Variants in LARP4 observed in about 807,000 individuals in gnomAD.
LARP4 encodes La ribonucleoprotein 4.
LARP4 carries 29 observed loss-of-function variants against 92.9 expected under a neutral mutation model. That is an observed-to-expected ratio of 0.31 (90% CI 0.23 to 0.43). LARP4 has a LOEUF of 0.43. Ranked by LOEUF, LARP4 falls within the 20% of genes least tolerant of loss-of-function variation. LARP4 has a pLI of 1.00. For synonymous variants in LARP4, 279 were observed against 284.1 expected (o/e 0.98, Z 0.18); for missense variants, 732 against 860.0 (o/e 0.85, Z 1.86).
chr12:50,431,661 A>C (rs969793547), intron 4 of LARP4, among the ~76,000 whole-genome samples: 2 of 152,080 alleles, frequency 1.3e-5, no homozygotes, highest in African/African-American at 4.8e-5. Context: ...GCTTGCCAAC[A>C]TGGTGAAACC....
rs1955586535 is a variant in LARP4, at chr12:50,462,628, T to C, written c.1381T>C (p.Ser461Pro). 2 of 1,443,238 alleles carry C rather than the reference T, an allele frequency of 1.4e-6. No individual in the cohort carries two copies. The highest frequency in any genetic ancestry group is 1.9e-6 in the Non-Finnish European group (2 of 1,073,728). The allele number at this position is 1,443,238 out of a possible 1,614,324, so 89.4% of individuals were successfully genotyped here. Residue 461 changes from serine to proline, a missense_variant and splice_region_variant, in exon 12 of 16, where the codon TCA becomes CCA. Ser to Pro is a moderately conservative substitution (Grantham distance 74). Transcript: ENST00000398473. ...AAGACGACGAGAAGATGACAGGATC[T>C]CAGTAAGTTTTTTAAAACTTTTATT... ...GRRRREDDRISRPHPSTAESK... is the reference protein window; with the variant it reads ...GRRRREDDRIPRPHPSTAESK...
At chr12:50,441,555 T>C (rs1055056262) in intron 7 of LARP4, 35 bp from the exon 8 acceptor site, 2 of 1,438,510 alleles carry the variant, frequency 1.4e-6, no homozygotes, top group African/African-American at 2.9e-5. Context: ...AATGTTTGAA[T>C]GCTAATGAAA....
chr12:50,439,686 T>G (rs1228406451), intron 6 of LARP4, among the ~76,000 whole-genome samples: 3 of 152,218 alleles, frequency 2.0e-5, no homozygotes, highest in Non-Finnish European at 4.4e-5. Context: ...AGTGAGCCAC[T>G]GAGCTCTCAG....
intron 8 of LARP4, among the ~76,000 whole-genome samples, chr12:50,441,975 G>T (rs74593630): frequency 6.6e-6 from 1 of 152,174 alleles, no homozygotes; most frequent in African/African-American, 2.4e-5. Flanking sequence ...GCTTTAACCC[G>T]GGAGGCGTAG....
chr12:50,444,546 C>T (rs955132197), intron 8 of LARP4, among the ~76,000 whole-genome samples: 1 of 152,154 alleles, frequency 6.6e-6, no homozygotes, highest in Admixed American at 6.5e-5. Flanking sequence ...GCAAGGAATG[C>T]TATACTCCAA....
intron 8 of LARP4, among the ~76,000 whole-genome samples, chr12:50,452,865 T>A (rs1953485866): frequency 6.6e-6 from 1 of 152,148 alleles, no homozygotes; most frequent in Non-Finnish European, 1.5e-5. Context: ...TGTGATGAGC[T>A]ACAATTTACT....
At chr12:50,404,112 A>G (rs1237047017) in intron 1 of LARP4, among the ~76,000 whole-genome samples, 1 of 152,272 alleles carries the variant, frequency 6.6e-6, no homozygotes, top group East Asian at 1.9e-4. Flanking sequence ...CTGTAATCCT[A>G]GCTACTCGGG....
intron 10 of LARP4, among the ~76,000 whole-genome samples, chr12:50,458,546 T>TA (rs1954764761): frequency 6.6e-6 from 1 of 152,232 alleles, no homozygotes; most frequent in African/African-American, 2.4e-5. Flanking sequence ...CAAGAGGTTT[T>TA]AAATCCTTAT....
intron 8 of LARP4, among the ~76,000 whole-genome samples, chr12:50,447,858 TC>T (rs146185573): frequency 4.6e-5 from 7 of 150,936 alleles, no homozygotes; most frequent in South Asian, 2.1e-4. Context: ...TCCGCACCAC[TC>T]CCCCCCCATT....
intron 1 of LARP4, among the ~76,000 whole-genome samples, chr12:50,407,093 T>G (rs1362244875): frequency 6.6e-6 from 1 of 152,016 alleles, no homozygotes; most frequent in African/African-American, 2.4e-5. Flanking sequence ...TGGCATGATC[T>G]CGGCTCACTG....
intron 8 of LARP4, among the ~76,000 whole-genome samples, chr12:50,446,728 A>G (rs957208502): frequency 2.6e-5 from 4 of 151,850 alleles, no homozygotes; most frequent in African/African-American, 4.8e-5. Flanking sequence ...CACCCGGCCT[A>G]GTGGACTGTA....
chr12:50,454,445 A>G (rs1953850270), intron 10 of LARP4, 28 bp downstream of exon 10: 4 of 1,487,550 alleles, frequency 2.7e-6, no homozygotes, highest in South Asian at 2.3e-5. Flanking sequence ...GCTGTAATGT[A>G]TTTTAAACAA....
chr12:50,440,747 GT>G (rs1951077404), intron 7 of LARP4, among the ~76,000 whole-genome samples, 198 bp downstream of exon 7: 1 of 152,094 alleles, frequency 6.6e-6, no homozygotes, highest in South Asian at 2.1e-4. Context: ...TAGGAAGTTT[GT>G]TTTCTGTCGA....
chr12:50,427,744 G>T lies in LARP4; in HGVS notation c.19-18G>T. 1 of 1,453,136 alleles carries T rather than the reference G, an allele frequency of 6.9e-7. No homozygotes were observed. Among genetic ancestry groups the T allele is most frequent in the Non-Finnish European group, 9.2e-7 (1 of 1,084,788 alleles). The allele number at this position is 1,453,136 out of a possible 1,614,324, so 90.0% of individuals were successfully genotyped here. A position where few individuals can be genotyped will look rare whatever the true frequency, so the allele number is the denominator to read the frequency against. On this transcript the variant is annotated intron_variant, in intron 1 of 15. Transcript: ENST00000398473. ...CTCTGATTTTAAAAATTTACAAATA[G>T]ATCCTTCGATTATTTAGCAGGTAGC... is the stretch of plus-strand genomic sequence containing the variant.
chr12:50,479,632 G>A lies in LARP4; in HGVS notation c.*3768G>A, dbSNP rs925381137. 3.3e-5 allele frequency: 5 copies of A among 152,068 alleles called. No homozygotes were observed. Among genetic ancestry groups the A allele is most frequent in the South Asian group, 2.1e-4 (1 of 4,836 alleles). 9.4% of individuals were successfully genotyped at this position (152,068 alleles called of 1,614,324 possible). A position where few individuals can be genotyped will look rare whatever the true frequency, so the allele number is the denominator to read the frequency against. On this transcript the variant is annotated 3_prime_UTR_variant, in exon 16 of 16. Coordinates refer to ENST00000398473, the MANE Select transcript of LARP4 (RefSeq NM_052879.5). Reference sequence around the variant, plus strand: ...AGCTGACAACTTTTTATGAATCTTCGAGTTGACAGTTCCTAAAAGCGTAAC... The same window carrying A: ...AGCTGACAACTTTTTATGAATCTTCAAGTTGACAGTTCCTAAAAGCGTAAC...
At chr12:50,414,776 A>T (rs1212845287) in intron 1 of LARP4, among the ~76,000 whole-genome samples, 3 of 152,224 alleles carry the variant, frequency 2.0e-5, no homozygotes, top group Admixed American at 2.0e-4. Flanking sequence ...AGTATTCCAC[A>T]TTAAGAGATA....
chr12:50,448,825 G>A (rs1027022752), intron 8 of LARP4, among the ~76,000 whole-genome samples: 23 of 152,166 alleles, frequency 1.5e-4, no homozygotes, highest in African/African-American at 4.8e-4. Flanking sequence ...GCACCCAGCC[G>A]AGATTCTTTC....
chr12:50,402,050 G>T (rs1488816620), intron 1 of LARP4, among the ~76,000 whole-genome samples: 1 of 151,972 alleles, frequency 6.6e-6, no homozygotes, highest in South Asian at 2.1e-4. Context: ...CCCATAAGAA[G>T]AATCTTTTCA....
At chr12:50,450,385 C>T (rs903645695) in intron 8 of LARP4, among the ~76,000 whole-genome samples, 3 of 152,164 alleles carry the variant, frequency 2.0e-5, no homozygotes, top group Admixed American at 2.0e-4. Flanking sequence ...ACTGCCTAGA[C>T]ACAAGTAGTA....
Sources: allele counts gnomAD v4.1 joint callset (sites outside exome capture counted in the v4.1 genomes callset), GRCh38; gene constraint gnomAD v4.1.1; transcripts MANE v1.5; gene names NCBI Gene and HGNC (gene_info 2026-07-23, HGNC 2026-07-21).